Variants in KBTBD12 observed in about 807,000 individuals in gnomAD.
KBTBD12 encodes the protein kelch repeat and BTB domain-containing protein 12.
A neutral mutation model predicts 58.7 loss-of-function variants in KBTBD12; 53 were observed. That is an observed-to-expected ratio of 0.90 (90% CI 0.72 to 1.14). KBTBD12 has a LOEUF of 1.14. Ranked by LOEUF, KBTBD12 falls within the 50% of genes most tolerant of loss-of-function variation. The pLI, the probability that KBTBD12 is intolerant of heterozygous loss-of-function variation, is 0.00. For missense variants in KBTBD12, 704 were observed against 751.3 expected (o/e 0.94, Z 0.74); for synonymous variants, 236 against 259.8 (o/e 0.91, Z 0.88).
chr3:127,928,097 CATT>C (rs1297684630), intron 3 of KBTBD12, 63 bp downstream of exon 3: 9 of 1,398,380 alleles, frequency 6.4e-6, no homozygotes, highest in Admixed American at 3.5e-5. Context: ...CTATGTTAAA[CATT>C]GTTGTAGTTG....
intron 4 of KBTBD12, among the ~76,000 whole-genome samples, chr3:127,962,875 A>G (rs1046011421): frequency 3.3e-5 from 5 of 152,232 alleles, no homozygotes; most frequent in African/African-American, 1.2e-4. Context: ...CAACCCTGAA[A>G]TTCTTATTAT....
intron 5 of KBTBD12, among the ~76,000 whole-genome samples, chr3:127,967,303 A>G (rs571470896): frequency 9.2e-5 from 14 of 152,186 alleles, no homozygotes; most frequent in Non-Finnish European, 1.9e-4. Flanking sequence ...AACAATGAAA[A>G]CTAGCAAAAA....
At chr3:127,953,814 C>G (rs923774465) in intron 4 of KBTBD12, among the ~76,000 whole-genome samples, 6 of 152,200 alleles carry the variant, frequency 3.9e-5, no homozygotes, top group Non-Finnish European at 5.9e-5. Context: ...TCAAGTGACT[C>G]CATTGCTCAT....
chr3:127,963,334 T>G lies in KBTBD12; in HGVS notation c.1638T>G (p.Asn546Lys). 6.2e-7 allele frequency: 1 copy of G among 1,612,230 alleles called. No individual in the cohort carries two copies. The highest frequency in any genetic ancestry group is 8.5e-7 in the Non-Finnish European group (1 of 1,179,288). Residue 546 changes from asparagine to lysine, a missense_variant, in exon 5 of 6, where the codon AAT becomes AAG. Physicochemically the swap from Asn to Lys is moderately conservative, Grantham distance 94 (BLOSUM62 0). Transcript: ENST00000405109. ...TCTCACTCCGCACCAATTCCACCAATGCAGGGGCAGTGGATGGGAAACTCT... is the reference window on the plus strand; with the variant it reads ...TCTCACTCCGCACCAATTCCACCAAGGCAGGGGCAGTGGATGGGAAACTCT... ...PLLSLRTNST[N>K]AGAVDGKLYV...
intron 5 of KBTBD12, among the ~76,000 whole-genome samples, chr3:127,982,815 C>G (rs72983938): frequency 6.6e-6 from 1 of 152,196 alleles, no homozygotes; most frequent in African/African-American, 2.4e-5. Flanking sequence ...AGTGACAGCC[C>G]CTTGCTGTGA....
chr3:127,984,061 A>G (rs753601960), intron 5 of KBTBD12, 36 bp from the exon 6 acceptor site: 1 of 1,577,098 alleles, frequency 6.3e-7, no homozygotes, highest in Admixed American at 1.7e-5. Flanking sequence ...TAATACCCAC[A>G]TGAGATTTTT....
intron 4 of KBTBD12, among the ~76,000 whole-genome samples, chr3:127,947,596 C>T (rs1318631762): frequency 1.3e-5 from 2 of 152,208 alleles, no homozygotes; most frequent in Admixed American, 6.5e-5. Flanking sequence ...TACCATGCAG[C>T]TGTGAGAGAT....
intron 1 of KBTBD12, among the ~76,000 whole-genome samples, chr3:127,917,794 A>G (rs1453314429): frequency 6.6e-6 from 1 of 152,264 alleles, no homozygotes; most frequent in Non-Finnish European, 1.5e-5. Flanking sequence ...ATCTTTTATT[A>G]TCATGTACAA....
At chr3:127,944,484 G>A (rs1179674978) in intron 4 of KBTBD12, among the ~76,000 whole-genome samples, 3 of 152,040 alleles carry the variant, frequency 2.0e-5, no homozygotes, top group Non-Finnish European at 2.9e-5. Context: ...CAGATAAGTG[G>A]TTGTTGGTAT....
At chr3:127,918,982 T>C (rs924183575) in intron 1 of KBTBD12, among the ~76,000 whole-genome samples, 2 of 152,176 alleles carry the variant, frequency 1.3e-5, no homozygotes, top group Non-Finnish European at 2.9e-5. Flanking sequence ...AATGGTTTTT[T>C]TTAAACAGTG....
intron 5 of KBTBD12, among the ~76,000 whole-genome samples, chr3:127,978,492 A>C (rs2107617341): frequency 6.6e-6 from 1 of 152,354 alleles, no homozygotes; most frequent in South Asian, 2.1e-4. Context: ...CTGGACTCAA[A>C]GATAGCCTGA....
chr3:127,974,924 G>A (rs1284543048), intron 5 of KBTBD12, among the ~76,000 whole-genome samples: 1 of 152,128 alleles, frequency 6.6e-6, no homozygotes, highest in Non-Finnish European at 1.5e-5. Context: ...AGTAATCCAA[G>A]ATCGCACCAC....
intron 4 of KBTBD12, among the ~76,000 whole-genome samples, chr3:127,942,705 T>C (rs1290940360): frequency 6.8e-6 from 1 of 146,340 alleles, no homozygotes; most frequent in Non-Finnish European, 1.5e-5. Context: ...TATATAACTA[T>C]ATATATATAT....
rs1306591695 is a variant in KBTBD12 at position 127,984,703 on chromosome 3, C to G, written c.*425C>G. 1.3e-5 allele frequency: 2 copies of G among 155,530 alleles called. No individual in the cohort carries two copies. The highest frequency in any genetic ancestry group is 3.8e-4 in the East Asian group (2 of 5,284). 9.6% of individuals were successfully genotyped at this position (155,530 alleles called of 1,614,324 possible). On this transcript the variant is annotated 3_prime_UTR_variant, in exon 6 of 6. Coordinates refer to ENST00000405109, the MANE Select transcript of KBTBD12 (RefSeq NM_207335.4). ...AGGGCCCAGAGACAGAAAGCTCGTGCCTGTCTGCAGTATCCTGGCTGGGCC... is the reference window on the plus strand; with the variant it reads ...AGGGCCCAGAGACAGAAAGCTCGTGGCTGTCTGCAGTATCCTGGCTGGGCC...
chr3:127,968,040 T>C (rs1286248655), intron 5 of KBTBD12, among the ~76,000 whole-genome samples: 1 of 152,224 alleles, frequency 6.6e-6, no homozygotes, highest in Non-Finnish European at 1.5e-5. Context: ...ATGCAACCCA[T>C]TGATTGTACA....
intron 5 of KBTBD12, among the ~76,000 whole-genome samples, chr3:127,964,424 G>C (rs6789683): frequency 0.33 from 50,149 of 151,134 alleles, 8,374 homozygotes; most frequent in Non-Finnish European, 0.35. Flanking sequence ...ACAAGGTCAG[G>C]AGTTTGAGAC....
At chr3:127,966,883 C>T (rs1164822174) in intron 5 of KBTBD12, among the ~76,000 whole-genome samples, 1 of 152,138 alleles carries the variant, frequency 6.6e-6, no homozygotes, top group Non-Finnish European at 1.5e-5. Context: ...TAGTTTTACA[C>T]AAAGTGCCAA....
intron 5 of KBTBD12, among the ~76,000 whole-genome samples, chr3:127,973,609 T>C (rs1940723206): frequency 6.6e-6 from 1 of 151,526 alleles, no homozygotes; most frequent in African/African-American, 2.4e-5. Flanking sequence ...TGAAGTATTA[T>C]GCCTGTAATT....
chr3:127,963,257 A>C lies in KBTBD12; in HGVS notation c.1561A>C (p.Asn521His). The C allele has an allele frequency of 6.2e-7, 1 of 1,612,574 alleles. No homozygotes were observed. Among genetic ancestry groups the C allele is most frequent in the South Asian group, 1.1e-5 (1 of 90,622 alleles). The change falls in exon 5 of 6, where the codon AAC becomes CAC. Residue 521 changes from asparagine to histidine, a missense_variant. Coordinates refer to ENST00000405109, the MANE Select transcript of KBTBD12 (RefSeq NM_207335.4). Reference protein sequence around the residue: ...RKCLDVVEIYNPDGDFWREGP... With the variant: ...RKCLDVVEIYHPDGDFWREGP... ...ATGCCTTGACGTGGTGGAGATCTAC[A>C]ACCCAGATGGGGACTTTTGGCGAGA...
Sources: gnomAD v4.1 joint callset for allele counts (sites outside exome capture counted in the v4.1 genomes callset) on GRCh38, gnomAD v4.1.1 for gene constraint, MANE v1.5 for transcripts, NCBI Gene and HGNC (gene_info 2026-07-23, HGNC 2026-07-21) for gene names.